ADARB2: variants seen among roughly 807,000 people sequenced by gnomAD.
The protein encoded by ADARB2 is adenosine deaminase RNA specific B2 (inactive).
A neutral mutation model predicts 62.2 loss-of-function variants in ADARB2; 25 were observed. The observed-to-expected ratio is 0.40, with a 90% CI of 0.29 to 0.56. The LOEUF (loss-of-function observed/expected upper bound fraction) is 0.56, where lower values mean the gene tolerates loss of function less well. ADARB2 is among the 20% of genes least tolerant of loss of function. ADARB2 has a pLI of 0.43. For missense variants in ADARB2, 1,071 were observed against 1,077.4 expected, an observed-to-expected ratio of 0.99 and a Z score of 0.08; for synonymous variants, 572 against 500.8, an observed-to-expected ratio of 1.14 and a Z score of -1.90.
intron 1 of ADARB2, among the ~76,000 whole-genome samples, chr10:1,625,404 A>G (rs752214429): frequency 3.9e-5 from 6 of 152,212 alleles, no homozygotes; most frequent in Admixed American, 6.5e-5. Context: ...GGCAGCTTAC[A>G]GGGACTGAGG....
In ADARB2 at chr10:1,652,424, C is replaced by T. The variant is rs377515277; in HGVS notation, c.100+84627G>A. ...AAGACCAAGCCATCTGTGCTCCTCC[C>T]GGGAGCATCCCACTTCCTTTCCAGA... On this transcript the variant is annotated intron_variant, in intron 1 of 9. Transcript: ENST00000381312. Among the ~76,000 whole-genome samples the T allele has an allele frequency of 4.6e-5, 7 of 152,214 alleles. No individual in the cohort carries two copies. In the East Asian group the frequency reaches 7.7e-4, roughly 17 times the overall value.
chr10:1,309,480 C>T (rs1228364681), intron 3 of ADARB2, among the ~76,000 whole-genome samples: 1 of 152,196 alleles, frequency 6.6e-6, no homozygotes, highest in Non-Finnish European at 1.5e-5. Context: ...TTCTGCAAGA[C>T]CTGTGAGTGG....
intron 3 of ADARB2, among the ~76,000 whole-genome samples, chr10:1,359,548 T>C (rs1450535471): frequency 6.6e-6 from 1 of 152,206 alleles, no homozygotes; most frequent in African/African-American, 2.4e-5. Flanking sequence ...CTATCGTACG[T>C]CATCTTTACC....
At chr10:1,413,279 A>G (rs10903444) in intron 1 of ADARB2, among the ~76,000 whole-genome samples, 52,932 of 152,032 alleles carry the variant, frequency 0.35, 9,413 homozygotes, top group South Asian at 0.38. Flanking sequence ...TCCCCAGCCA[A>G]TGTCCCAGCC....
chr10:1,494,906 T>C (rs1831668344), intron 1 of ADARB2, among the ~76,000 whole-genome samples: 1 of 152,162 alleles, frequency 6.6e-6, no homozygotes, highest in African/African-American at 2.4e-5. Flanking sequence ...CTACAGTCTC[T>C]CCTACTTTGA....
intron 1 of ADARB2, among the ~76,000 whole-genome samples, chr10:1,635,601 G>A (rs142069959): frequency 3.0e-4 from 46 of 152,228 alleles, no homozygotes; most frequent in Middle Eastern, 3.4e-3. Flanking sequence ...TCCCTCCGTC[G>A]GGACAGCCTC....
chr10:1,452,224 AG>A (rs1831049704), intron 1 of ADARB2, among the ~76,000 whole-genome samples: 1 of 152,228 alleles, frequency 6.6e-6, no homozygotes, highest in South Asian at 2.1e-4. Context: ...CAGCATACAC[AG>A]GGAGACGGCA....
At chr10:1,519,541 C>T (rs771516095) in intron 1 of ADARB2, among the ~76,000 whole-genome samples, 13 of 152,144 alleles carry the variant, frequency 8.5e-5, no homozygotes, top group Admixed American at 5.9e-4. Flanking sequence ...TGCAGCTGGG[C>T]CAGCAGAGAG....
chr10:1,502,858 A>C (rs1415108121), intron 1 of ADARB2, among the ~76,000 whole-genome samples: 1 of 152,258 alleles, frequency 6.6e-6, no homozygotes, highest in East Asian at 1.9e-4. Flanking sequence ...ATTTTTCAAT[A>C]AATTTTGGTA....
At chr10:1,205,200 GGA>G (rs1837036734) in intron 7 of ADARB2, among the ~76,000 whole-genome samples, 1 of 152,242 alleles carries the variant, frequency 6.6e-6, no homozygotes, top group Admixed American at 6.5e-5. Flanking sequence ...GGCGCCACGT[GGA>G]GATGAAGTGA....
At chr10:1,507,876 GC>G (rs1293056278) in intron 1 of ADARB2, among the ~76,000 whole-genome samples, 2 of 152,180 alleles carry the variant, frequency 1.3e-5, no homozygotes, top group South Asian at 4.1e-4. Context: ...TGCCCTTCTT[GC>G]CGTCTTCTCC....
At chr10:1,184,280 G>C (rs970275565) in intron 9 of ADARB2, among the ~76,000 whole-genome samples, 2 of 152,118 alleles carry the variant, frequency 1.3e-5, no homozygotes, top group Non-Finnish European at 2.9e-5. Flanking sequence ...TCTGTTATTT[G>C]TTGTTTTTGG....
At chr10:1,572,089 TGGTGAGTGTGCA>T (rs1564334372) in intron 1 of ADARB2, among the ~76,000 whole-genome samples, 2 of 71,380 alleles carry the variant, frequency 2.8e-5, no homozygotes, top group Non-Finnish European at 5.5e-5. Context: ...GTGAGTGTGC[TGGTGAGTGTGCA>T]GGTGAGTGGA....
chr10:1,220,911 C>G (rs1013799130), intron 6 of ADARB2, among the ~76,000 whole-genome samples: 2 of 152,156 alleles, frequency 1.3e-5, no homozygotes, highest in African/African-American at 4.8e-5. Context: ...CTAATTTTGC[C>G]TGAGGAGCCA....
At chr10:1,520,013 TC>T (rs1215643442) in intron 1 of ADARB2, among the ~76,000 whole-genome samples, 1 of 152,214 alleles carries the variant, frequency 6.6e-6, no homozygotes, top group Non-Finnish European at 1.5e-5. Flanking sequence ...ACCTGGGAAT[TC>T]CACTTCAGAA....
At chr10:1,186,220 A>C (rs1836756364) in intron 8 of ADARB2, among the ~76,000 whole-genome samples, 1 of 152,248 alleles carries the variant, frequency 6.6e-6, no homozygotes, top group African/African-American at 2.4e-5. Context: ...TCCTGGGGAC[A>C]AAGCCCACTT....
intron 1 of ADARB2, among the ~76,000 whole-genome samples, chr10:1,493,279 C>G (rs1831644215): frequency 6.6e-6 from 1 of 152,154 alleles, no homozygotes; most frequent in African/African-American, 2.4e-5. Flanking sequence ...TTAGGTGGTG[C>G]AGGTTACAGA....
At position 1,233,811 on chromosome 10, in the gene ADARB2, C is replaced by G; in HGVS notation, c.1396G>C (p.Val466Leu). Residue 466 changes from valine to leucine, a missense_variant, in exon 6 of 10, where the codon GTG becomes CTG. Physicochemically the swap from Val to Leu is conservative, Grantham distance 32. Coordinates refer to ENST00000381312, the MANE Select transcript of ADARB2 (RefSeq NM_018702.4). ...RREDSERSIF[V>L]RLKEGGYRLR... Reference sequence around the variant, plus strand: ...CGGTAGCCACCTTCTTTTAACCGCACGAATATCGATCGCTCTGAGTCCTCG... The same window carrying G: ...CGGTAGCCACCTTCTTTTAACCGCAGGAATATCGATCGCTCTGAGTCCTCG... The G allele has an allele frequency of 6.2e-7, 1 of 1,614,000 alleles. No individual in the cohort carries two copies. Among genetic ancestry groups the G allele is most frequent in the Non-Finnish European group, 8.5e-7 (1 of 1,179,988 alleles).
chr10:1,352,402 G>T (rs530555300), intron 3 of ADARB2, among the ~76,000 whole-genome samples: 1 of 152,288 alleles, frequency 6.6e-6, no homozygotes, highest in Non-Finnish European at 1.5e-5. Flanking sequence ...CTTCCTTGAA[G>T]ACAGCTTTAG....
Sources: allele counts gnomAD v4.1 joint callset (sites outside exome capture counted in the v4.1 genomes callset), GRCh38; gene constraint gnomAD v4.1.1; transcripts MANE v1.5; gene names NCBI Gene and HGNC (gene_info 2026-07-23, HGNC 2026-07-21).